Variants in ZDHHC11B observed in about 807,000 individuals in gnomAD.
The protein encoded by ZDHHC11B is probable palmitoyltransferase ZDHHC11B.
A neutral mutation model predicts 42.3 loss-of-function variants in ZDHHC11B; 17 were observed. That is an observed-to-expected ratio of 0.40 (90% CI 0.27 to 0.60). The LOEUF is 0.60. Among genes scored for constraint, ZDHHC11B ranks in the 20% least tolerant of loss-of-function variants. The pLI is 0.41. For synonymous variants in ZDHHC11B, 123 were observed against 193.5 expected (o/e 0.64, Z 3.02); for missense variants, 262 against 463.2 (o/e 0.57, Z 3.99).
At chr5:739,916 T>C (rs538483163) in intron 10 of ZDHHC11B, among the ~76,000 whole-genome samples, 118 of 150,738 alleles carry the variant, frequency 7.8e-4, no homozygotes, top group African/African-American at 2.7e-3. Context: ...GTGATCTGTA[T>C]ATATGTAAAT....
At chr5:776,083 G>A (rs1452593260) in intron 1 of ZDHHC11B, among the ~76,000 whole-genome samples, 3 of 150,164 alleles carry the variant, frequency 2.0e-5, no homozygotes, top group Non-Finnish European at 4.4e-5. Flanking sequence ...CCCAAGTCCT[G>A]TCCAGGGGGA....
intron 1 of ZDHHC11B, among the ~76,000 whole-genome samples, chr5:770,025 T>C (rs2561588): frequency 6.6e-6 from 1 of 151,852 alleles, no homozygotes; most frequent in Non-Finnish European, 1.5e-5. Flanking sequence ...CAGCGACAGC[T>C]TCTTGGCTGC....
At chr5:732,668 C>A (rs1452436351) in intron 11 of ZDHHC11B, 1 of 449,994 alleles carries the variant, frequency 2.2e-6, no homozygotes, top group South Asian at 1.6e-5. Flanking sequence ...GGCGGCCCTG[C>A]CCCCACAGGG....
In ZDHHC11B at chr5:733,769, C is replaced by G. The variant is rs771792824; in HGVS notation, c.1006G>C (p.Gly336Arg). ...CHFCTSVNQD[G>R]DSKAQEADDA... ...CAACTTACCTGTGCCTTCGAATCCCCGTCCTGGTTTACTGAAGTGCAGAAG... is the reference window on the plus strand; with the variant it reads ...CAACTTACCTGTGCCTTCGAATCCCGGTCCTGGTTTACTGAAGTGCAGAAG... Residue 336 changes from glycine to arginine, a missense_variant, in exon 11 of 14, where the codon GGG (glycine) becomes CGG (arginine). Physicochemically the swap from Gly to Arg is moderately radical, Grantham distance 125. Around this residue, in one of 5 missense-constraint regions of ZDHHC11B, gnomAD observed 75 missense variants for 70.1 expected, o/e 1.07. Coordinates refer to ENST00000508859, the MANE Select transcript of ZDHHC11B (RefSeq NM_001351303.2). 4.3e-6 allele frequency: 7 copies of G among 1,611,288 alleles called. No individual in the cohort carries two copies. Among genetic ancestry groups the G allele is most frequent in the Non-Finnish European group, 5.9e-6 (7 of 1,179,330 alleles).
intron 12 of ZDHHC11B, among the ~76,000 whole-genome samples, chr5:724,064 C>T (rs1391203484): frequency 1.3e-5 from 2 of 151,314 alleles, no homozygotes; most frequent in African/African-American, 2.4e-5. Flanking sequence ...GAGCTGTCCT[C>T]TGGGTGTGGG....
intron 1 of ZDHHC11B, among the ~76,000 whole-genome samples, chr5:773,980 A>G (rs1283282140): frequency 1.3e-5 from 2 of 151,942 alleles, no homozygotes; most frequent in African/African-American, 2.4e-5. Context: ...CAGACCTCAG[A>G]GTGGGGCAGG....
intron 1 of ZDHHC11B, among the ~76,000 whole-genome samples, chr5:769,847 G>A (rs1371447385): frequency 6.6e-6 from 1 of 152,102 alleles, no homozygotes; most frequent in Non-Finnish European, 1.5e-5. Flanking sequence ...CTCGGGATGT[G>A]AACCCTTCCT....
At chr5:730,014 G>T (rs552986695) in intron 12 of ZDHHC11B, among the ~76,000 whole-genome samples, 2,342 of 149,988 alleles carry the variant, frequency 0.016, 55 homozygotes, top group African/African-American at 0.056. Flanking sequence ...AGTTTGGAGG[G>T]TGAAAAAGTG....
At chr5:775,194 G>C (rs1481820944) in intron 1 of ZDHHC11B, among the ~76,000 whole-genome samples, 1 of 151,978 alleles carries the variant, frequency 6.6e-6, no homozygotes, top group African/African-American at 2.4e-5. Context: ...GTGCTGGGCT[G>C]GACCAGGCCA....
At chr5:776,631 C>G (rs7735224) in intron 1 of ZDHHC11B, among the ~76,000 whole-genome samples, 4,767 of 150,776 alleles carry the variant, frequency 0.032, 36 homozygotes, top group African/African-American at 0.11. Context: ...ACCACAGCGA[C>G]CCGAAGCCCC....
At chr5:750,356 G>A (rs1808543) in intron 7 of ZDHHC11B, among the ~76,000 whole-genome samples, 1 of 108,044 alleles carries the variant, frequency 9.3e-6, no homozygotes, top group Non-Finnish European at 2.0e-5. Context: ...CCACCTCTGC[G>A]AGCTCCTGTG....
At chr5:732,507 G>T (rs1247755264) in intron 11 of ZDHHC11B, 8 of 350,698 alleles carry the variant, frequency 2.3e-5, no homozygotes, top group Admixed American at 6.5e-5. Context: ...GGCTCGATTG[G>T]TTTCCACTGA....
chr5:760,496 C>A (rs1410870820), intron 4 of ZDHHC11B, among the ~76,000 whole-genome samples: 1 of 151,530 alleles, frequency 6.6e-6, no homozygotes, highest in African/African-American at 2.4e-5. Context: ...GATTCCAGAC[C>A]CCGGGCCCCA....
At chr5:721,816 T>A (rs1427406922) in intron 12 of ZDHHC11B, among the ~76,000 whole-genome samples, 1 of 151,786 alleles carries the variant, frequency 6.6e-6, no homozygotes, top group Admixed American at 6.6e-5. Flanking sequence ...TACTTACTTC[T>A]CAGAACTTAT....
chr5:777,536 G>C lies in ZDHHC11B; in HGVS notation c.-230+7132C>G, dbSNP rs535535396. Among the ~76,000 whole-genome samples, 11 of 151,886 alleles carry C rather than the reference G, an allele frequency of 7.2e-5. 1 individual carries two copies. The highest frequency in any genetic ancestry group is 1.2e-4 in the Non-Finnish European group (8 of 67,930). On this transcript the variant is annotated intron_variant, in intron 1 of 13. Transcript: ENST00000508859. ...AACAAACTTTCCACAGCGGAGAAGA[G>C]AATGGAGTCAGGTTGCGGCAGGGCG...
chr5:774,589 G>A (rs1204058596), intron 1 of ZDHHC11B, among the ~76,000 whole-genome samples: 2 of 56,938 alleles, frequency 3.5e-5, no homozygotes, highest in East Asian at 1.3e-3. Flanking sequence ...TGTCACTAGG[G>A]CCAGGGGTCT....
intron 4 of ZDHHC11B, among the ~76,000 whole-genome samples, chr5:766,422 C>T (rs1477483350): frequency 5.3e-5 from 8 of 151,996 alleles, no homozygotes; most frequent in Non-Finnish European, 7.4e-5. Context: ...CATGTGGGAG[C>T]GGTCTGACAT....
At chr5:720,700 T>C (rs569811618) in intron 12 of ZDHHC11B, among the ~76,000 whole-genome samples, 8 of 151,920 alleles carry the variant, frequency 5.3e-5, no homozygotes, top group African/African-American at 1.9e-4. Context: ...TAATGCATAA[T>C]ACAATAATTA....
chr5:723,441 A>T (rs1361882724), intron 12 of ZDHHC11B, among the ~76,000 whole-genome samples: 2 of 123,390 alleles, frequency 1.6e-5, no homozygotes, highest in Non-Finnish European at 3.6e-5. Context: ...TAGAACCAGC[A>T]GCATCTCCAC....
Sources: gnomAD v4.1 joint callset for allele counts (sites outside exome capture counted in the v4.1 genomes callset) on GRCh38, gnomAD v4.1.1 for gene constraint, gnomAD v4.1.1 regional missense constraint, MANE v1.5 for transcripts, NCBI Gene and HGNC (gene_info 2026-07-23, HGNC 2026-07-21) for gene names.